The following HERC1 variants were observed in gnomAD, a reference collection of about 807,000 sequenced individuals.
HERC1 encodes HECT and RLD domain containing E3 ubiquitin protein ligase family member 1.
In HERC1, 160 loss-of-function variants were observed where a neutral mutation model predicts 554.3. That is an observed-to-expected ratio of 0.29 (90% CI 0.25 to 0.33). HERC1 has a LOEUF of 0.33. Ranked by LOEUF, HERC1 falls within the 10% of genes least tolerant of loss-of-function variation. The pLI is 1.00. For missense variants in HERC1, 4,919 were observed against 5,918.5 expected, an observed-to-expected ratio of 0.83 and a Z score of 5.54; for synonymous variants, 2,175 against 2,131.7, an observed-to-expected ratio of 1.02 and a Z score of -0.56.
intron 64 of HERC1, among the ~76,000 whole-genome samples, chr15:63,636,755 C>T (rs1017059591): frequency 6.6e-6 from 1 of 152,186 alleles, no homozygotes; most frequent in East Asian, 1.9e-4. Context: ...TCTACTTTCA[C>T]ATAGCACCTA....
chr15:63,609,335 T>C, intron 77 of HERC1, 69 bp from the exon 78 acceptor site: 13 of 1,363,522 alleles, frequency 9.5e-6, no homozygotes, highest in Non-Finnish European at 1.3e-5. Context: ...GGGCTGCCCA[T>C]GACCTCTCCC....
In HERC1 at chr15:63,666,438, A is replaced by AGGC. The variant is rs1566989658; in HGVS notation, c.8240_8241insGCC (p.Pro2751dup). The AGGC allele has an allele frequency of 6.2e-7, 1 of 1,613,524 alleles. No homozygotes were observed. The highest frequency in any genetic ancestry group is 2.2e-5 in the East Asian group (1 of 44,860). On this transcript the variant is annotated inframe_insertion, in exon 41 of 78. Transcript: ENST00000443617. ...GAACTGCAATTGCTGGAGGAGGAGG[A>AGGC]GAAGTTGAAAGTCTACTGCTTGGGT...
rs779058478 is a variant in HERC1 at position 63,694,451 on chromosome 15, C to T, written c.5341G>A (p.Val1781Ile). 16 of 1,613,826 alleles carry T rather than the reference C, an allele frequency of 9.9e-6. No homozygotes were observed. The highest frequency in any genetic ancestry group is 3.3e-5 in the Admixed American group (2 of 60,006). The change falls in exon 29 of 78, where the codon GTA becomes ATA. Residue 1781 changes from valine to isoleucine, a missense_variant. Val to Ile is a conservative substitution (Grantham distance 29). Coordinates refer to ENST00000443617, the MANE Select transcript of HERC1 (RefSeq NM_003922.4). This position sits in a 1 kb window ranked among gnomAD's most constrained non-coding sequence, Gnocchi z 4.3. ...TCTGTACCACACAACTGTGACAATA[C>T]GTTTAGCAGACCAGTGGAAATTGCC... ...SLAISTGLLN[V>I]LSQLCGTDTM... is the part of the protein sequence containing the mutation.
intron 1 of HERC1, among the ~76,000 whole-genome samples, chr15:63,783,909 T>C (rs1294205115): frequency 1.3e-5 from 2 of 151,648 alleles, no homozygotes; most frequent in Non-Finnish European, 2.9e-5. Flanking sequence ...CTAATAAAAA[T>C]ACAAAAATTA....
At chr15:63,729,672 T>A in intron 14 of HERC1, 23 bp from the exon 15 acceptor site, 4 of 1,611,386 alleles carry the variant, frequency 2.5e-6, no homozygotes, top group Non-Finnish European at 3.4e-6. Flanking sequence ...ACAAAGGAAG[T>A]TTATATTTGA....
chr15:63,720,264 C>T (rs923006479), intron 19 of HERC1, among the ~76,000 whole-genome samples: 4 of 151,738 alleles, frequency 2.6e-5, no homozygotes, highest in Non-Finnish European at 5.9e-5. Context: ...CTACCACACT[C>T]GGCCTCTTCC....
chr15:63,636,536 G>A (rs548441924), intron 64 of HERC1, among the ~76,000 whole-genome samples: 39 of 152,196 alleles, frequency 2.6e-4, no homozygotes, highest in Non-Finnish European at 4.1e-4. Context: ...CTCCCAAAGC[G>A]CTGGGTTTAC....
intron 64 of HERC1, 91 bp downstream of exon 64, chr15:63,637,414 T>C (rs1352775029): frequency 3.8e-6 from 4 of 1,057,666 alleles, no homozygotes; most frequent in Non-Finnish European, 5.5e-6. Context: ...TGATTTTATC[T>C]AGCAAAGGTT....
At chr15:63,719,014 T>A in intron 19 of HERC1, 117 bp from the exon 20 acceptor site, 1 of 668,486 alleles carries the variant, frequency 1.5e-6, no homozygotes, top group Non-Finnish European at 2.5e-6. Flanking sequence ...AACTGTTACT[T>A]AACAAATGCA....
Position 63,727,050 on chromosome 15 carries a change from G to A in HERC1, c.3346+597C>T, listed in dbSNP as rs1038784237. ...CCCAGCATTTTGGGAGGCTGAGGTGGGCGGATCACAAGGTCAGGAGTTCAA... is the reference window on the plus strand; with the variant it reads ...CCCAGCATTTTGGGAGGCTGAGGTGAGCGGATCACAAGGTCAGGAGTTCAA... On this transcript the variant is annotated intron_variant, in intron 17 of 77. Coordinates refer to ENST00000443617, the MANE Select transcript of HERC1 (RefSeq NM_003922.4). This position sits in a 1 kb window ranked among gnomAD's most constrained non-coding sequence, Gnocchi z 4.3. Among the ~76,000 whole-genome samples the A allele has an allele frequency of 6.6e-6, 1 of 151,954 alleles. No homozygotes were observed. The highest frequency in any genetic ancestry group is 2.4e-5 in the African/African-American group (1 of 41,266).
Position 63,718,955 on chromosome 15 carries a change from A to G in HERC1, c.3743-58T>C, listed in dbSNP as rs951927032. ...AGGGCTCAGAAAACAGTTCAGAGGT[A>G]ATTTTTATAGCTTTAGTCATCCAAC... is the stretch of plus-strand genomic sequence containing the variant. On this transcript the variant is annotated intron_variant, in intron 19 of 77. Transcript: ENST00000443617. The surrounding 1 kb of genome is among the most constrained non-coding windows in gnomAD (Gnocchi z 4.2). The G allele has an allele frequency of 1.3e-5, 16 of 1,190,082 alleles. No homozygotes were observed. In the Admixed American group the frequency reaches 3.5e-4, roughly 26 times the overall value. The allele number at this position is 1,190,082 out of a possible 1,614,324, so 73.7% of individuals were successfully genotyped here. A position where few individuals can be genotyped will look rare whatever the true frequency, so the allele number is the denominator to read the frequency against.
intron 1 of HERC1, among the ~76,000 whole-genome samples, chr15:63,821,586 T>C (rs1054807482): frequency 2.1e-5 from 3 of 140,180 alleles, no homozygotes; most frequent in African/African-American, 8.1e-5. Flanking sequence ...TGTAGCAGGG[T>C]GTGGTTGTGC....
chr15:63,676,525 G>A (rs1207824565), intron 37 of HERC1, among the ~76,000 whole-genome samples: 1 of 152,088 alleles, frequency 6.6e-6, no homozygotes, highest in Admixed American at 6.5e-5. Flanking sequence ...GGGAGGCCGA[G>A]GCAGGTGGAT....
rs769972685 is a variant in HERC1, at chr15:63,658,676, G to T, written c.9467C>A (p.Thr3156Lys). The T allele has an allele frequency of 5.0e-6, 8 of 1,613,610 alleles. No homozygotes were observed. The African/African-American group carries it at 8.0e-5, about 16-fold the overall frequency. The change falls in exon 48 of 78, where the codon ACG (threonine) becomes AAG (lysine). Residue 3156 changes from threonine to lysine, a missense_variant. By Grantham distance (78) the Thr-to-Lys change is moderately conservative (BLOSUM62 -1). Around this residue, in one of 11 missense-constraint regions of HERC1, gnomAD observed 1,963 missense variants for 2,228.6 expected, o/e 0.88. Coordinates refer to ENST00000443617, the MANE Select transcript of HERC1 (RefSeq NM_003922.4). The stretch of plus-strand genomic sequence containing the variant: ...TAGGGCAGCTGCCTGCTCTCCTAAC[G>T]TTATTCTCCCAGAGGAGCTCTTTTC... ...SVEKSSSGRI[T>K]LGEQAAALAN...
chr15:63,708,008 G>A (rs1378078774), intron 24 of HERC1, among the ~76,000 whole-genome samples: 1 of 150,882 alleles, frequency 6.6e-6, no homozygotes, highest in Admixed American at 6.6e-5. Context: ...TCTTTACCTG[G>A]TCATATATAT....
chr15:63,635,479 T>A (rs559305350), intron 65 of HERC1, among the ~76,000 whole-genome samples: 1 of 152,342 alleles, frequency 6.6e-6, no homozygotes, highest in Non-Finnish European at 1.5e-5. Context: ...TGTGTACACA[T>A]GACCTAGACT....
rs1595904044 is a variant in HERC1 at position 63,655,931 on chromosome 15, C to T, written c.9895G>A (p.Val3299Ile). ...GAGTCATCAACTGTGGTTAGATTTA[C>T]ACCTGTTGCAGCAGAAATCAAGTTC... ...TQNLISAATGVNLTTVDDSIQ... is the reference protein window; with the variant it reads ...TQNLISAATGINLTTVDDSIQ... The change falls in exon 50 of 78, where the codon GTA (valine) becomes ATA (isoleucine). Residue 3299 changes from valine (V) to isoleucine (I), a missense_variant. Physicochemically the swap from Val to Ile is conservative, Grantham distance 29. This residue lies in a region of HERC1 where 1,963 missense variants were observed against 2,228.6 expected (regional missense o/e 0.88). Transcript: ENST00000443617. The T allele has an allele frequency of 1.9e-6, 3 of 1,612,744 alleles. No individual in the cohort carries two copies. Among genetic ancestry groups the T allele is most frequent in the Non-Finnish European group, 2.5e-6 (3 of 1,179,298 alleles).
intron 1 of HERC1, among the ~76,000 whole-genome samples, chr15:63,786,804 G>C (rs2076461972): frequency 6.6e-6 from 1 of 152,026 alleles, no homozygotes; most frequent in African/African-American, 2.4e-5. Flanking sequence ...TTATGAAAAT[G>C]TTTTGGAACT....
Position 63,713,457 on chromosome 15 carries a change from T to C in HERC1, c.4359A>G (p.Ile1453Met). The C allele has an allele frequency of 1.2e-6, 2 of 1,614,012 alleles. No individual in the cohort carries two copies. The highest frequency in any genetic ancestry group is 1.7e-6 in the Non-Finnish European group (2 of 1,179,884). The change falls in exon 23 of 78, where the codon ATA becomes ATG. Residue 1453 changes from isoleucine (I) to methionine (M), a missense_variant. Transcript: ENST00000443617. ...NSVIHRCALL[I>M]LGVSPVIDEL... ...CATCTATCACAGGACTTACTCCTAA[T>C]ATTAACAGGGCACACCGATGGATCA...
Sources: allele counts gnomAD v4.1 joint callset (sites outside exome capture counted in the v4.1 genomes callset), GRCh38; gene constraint gnomAD v4.1.1; regional missense constraint gnomAD v4.1.1; non-coding constraint Gnocchi (gnomAD v3.1); transcripts MANE v1.5; gene names NCBI Gene and HGNC (gene_info 2026-07-23, HGNC 2026-07-21).